IGFBP7: variants seen among roughly 807,000 people sequenced by gnomAD.
The protein encoded by IGFBP7 is insulin like growth factor binding protein 7.
A neutral mutation model predicts 29.4 loss-of-function variants in IGFBP7; 31 were observed. The observed-to-expected ratio is 1.05, with a 90% CI of 0.79 to 1.42. IGFBP7 has a LOEUF of 1.42. Among genes scored for constraint, IGFBP7 ranks in the 40% most tolerant of loss-of-function variants. The pLI is 0.00. For synonymous variants in IGFBP7, 172 were observed against 174.9 expected, an observed-to-expected ratio of 0.98 and a Z score of 0.13; for missense variants, 393 against 395.5, an observed-to-expected ratio of 0.99 and a Z score of 0.05.
intron 1 of IGFBP7, among the ~76,000 whole-genome samples, chr4:57,042,964 C>T (rs566301662): frequency 6.6e-6 from 1 of 152,324 alleles, no homozygotes; most frequent in South Asian, 2.1e-4. Context: ...CAAGTAACCC[C>T]CTGGGTGATT....
intron 1 of IGFBP7, among the ~76,000 whole-genome samples, chr4:57,080,859 C>T (rs1054961302): frequency 1.3e-5 from 2 of 152,236 alleles, no homozygotes; most frequent in African/African-American, 4.8e-5. Context: ...TCAGCACCAC[C>T]AATGAAAGTG....
At chr4:57,109,819 A>T in intron 1 of IGFBP7, 58 bp downstream of exon 1, 6 of 1,496,938 alleles carry the variant, frequency 4.0e-6, no homozygotes, top group Non-Finnish European at 5.3e-6. Context: ...GCCCCGTCGG[A>T]TGTGCCCTTC....
At chr4:57,088,561 G>A (rs758855279) in intron 1 of IGFBP7, among the ~76,000 whole-genome samples, 1 of 152,068 alleles carries the variant, frequency 6.6e-6, no homozygotes, top group Non-Finnish European at 1.5e-5. Flanking sequence ...ACATTTGAGG[G>A]CTGTTTCTGA....
At chr4:57,032,900 G>A (rs1171649039) in intron 3 of IGFBP7, among the ~76,000 whole-genome samples, 1 of 152,188 alleles carries the variant, frequency 6.6e-6, no homozygotes, top group African/African-American at 2.4e-5. Flanking sequence ...TTTATTAATC[G>A]ATAATCAGTT....
At chr4:57,055,536 A>T (rs1724638737) in intron 1 of IGFBP7, among the ~76,000 whole-genome samples, 1 of 152,140 alleles carries the variant, frequency 6.6e-6, no homozygotes. Context: ...GCCAGTATTC[A>T]CGGAGAATTG....
intron 1 of IGFBP7, among the ~76,000 whole-genome samples, chr4:57,090,496 C>T (rs1212596670): frequency 6.6e-6 from 1 of 152,142 alleles, no homozygotes; most frequent in Non-Finnish European, 1.5e-5. Context: ...ATTTGTTCCT[C>T]ACAAAGTTCT....
At chr4:57,085,227 A>C (rs1725469357) in intron 1 of IGFBP7, among the ~76,000 whole-genome samples, 1 of 150,614 alleles carries the variant, frequency 6.6e-6, no homozygotes, top group African/African-American at 2.4e-5. Flanking sequence ...CTTGTATTTC[A>C]GTGAAGTTTT....
intron 1 of IGFBP7, among the ~76,000 whole-genome samples, chr4:57,079,563 C>A (rs955345395): frequency 2.0e-5 from 3 of 152,140 alleles, no homozygotes; most frequent in African/African-American, 7.2e-5. Context: ...TGGGATGTAG[C>A]CTTCAGCTAA....
intron 1 of IGFBP7, among the ~76,000 whole-genome samples, chr4:57,058,167 A>G (rs964172530): frequency 4.6e-5 from 7 of 152,236 alleles, no homozygotes; most frequent in African/African-American, 1.4e-4. Flanking sequence ...TAAATATTTC[A>G]TAAGGTTAGC....
intron 1 of IGFBP7, among the ~76,000 whole-genome samples, chr4:57,050,656 T>G (rs1247750351): frequency 6.6e-6 from 1 of 152,044 alleles, no homozygotes; most frequent in African/African-American, 2.4e-5. Flanking sequence ...TGGGTCCTTC[T>G]GCCTCAGCCT....
intron 1 of IGFBP7, among the ~76,000 whole-genome samples, chr4:57,083,666 C>T (rs142199403): frequency 0.012 from 1,817 of 152,192 alleles, 38 homozygotes; most frequent in African/African-American, 0.042. Context: ...CATTGCTGTG[C>T]CCTCAGCAGC....
At chr4:57,100,173 G>C (rs4515224) in intron 1 of IGFBP7, among the ~76,000 whole-genome samples, 147,174 of 151,216 alleles carry the variant, frequency 0.97, 71,761 homozygotes, top group East Asian at 1. Flanking sequence ...GTGCTAGAGC[G>C]ACCCTCTCAC....
intron 1 of IGFBP7, among the ~76,000 whole-genome samples, chr4:57,052,936 A>T (rs958030517): frequency 2.0e-5 from 3 of 152,228 alleles, no homozygotes; most frequent in Non-Finnish European, 4.4e-5. Flanking sequence ...AATTGACCAC[A>T]GAACATGCAC....
At chr4:57,107,919 G>C (rs182718751) in intron 1 of IGFBP7, among the ~76,000 whole-genome samples, 1 of 152,296 alleles carries the variant, frequency 6.6e-6, no homozygotes, top group East Asian at 1.9e-4. Flanking sequence ...GGAATATTAA[G>C]TATAAACTAG....
At chr4:57,038,965 C>G (rs924480351) in intron 2 of IGFBP7, among the ~76,000 whole-genome samples, 9 of 148,578 alleles carry the variant, frequency 6.1e-5, no homozygotes, top group Non-Finnish European at 1.5e-5. Flanking sequence ...ACTTGAGAGA[C>G]TGAGGCAGAA....
At position 57,087,031 on chromosome 4, in the gene IGFBP7, A is replaced by T. The variant is rs925074995; in HGVS notation, c.475+22846T>A. ...CCACAGGCGTGAGCCACTGCTCCTGATCTAGTGGCTCAGTTATTATGAGGA... is the reference window on the plus strand; with the variant it reads ...CCACAGGCGTGAGCCACTGCTCCTGTTCTAGTGGCTCAGTTATTATGAGGA... On this transcript the variant is annotated intron_variant, in intron 1 of 4. Coordinates refer to ENST00000295666, the MANE Select transcript of IGFBP7 (RefSeq NM_001553.3). 7.2e-5 allele frequency among the ~76,000 whole-genome samples: 11 copies of T among 151,898 alleles called. No homozygotes were observed. In the East Asian group the frequency reaches 1.7e-3, roughly 24 times the overall value.
rs760683411 is a variant in IGFBP7, at chr4:57,040,899, C to T, written c.510G>A (p.Trp170Ter). The change falls in exon 2 of 5, where the codon TGG (tryptophan) becomes TGA (stop). Residue 170 changes from tryptophan (W) to a stop codon, truncating the protein, a stop_gained. Coordinates refer to ENST00000295666, the MANE Select transcript of IGFBP7 (RefSeq NM_001553.3). LOFTEE classifies it high-confidence loss of function. ...AGTACACCTGGGCACCAGTGACATT[C>T]CAGATGTCCTTGGGGGGCGTCACTA... ...PSIVTPPKDI[W>*]NVTGAQVYLS... 6.2e-7 allele frequency: 1 copy of T among 1,614,134 alleles called. No homozygotes were observed. Among genetic ancestry groups the T allele is most frequent in the East Asian group, 2.2e-5 (1 of 44,884 alleles).
intron 1 of IGFBP7, among the ~76,000 whole-genome samples, chr4:57,103,660 CTTTT>C (rs59173874): frequency 1.2e-5 from 1 of 86,480 alleles, no homozygotes; most frequent in Non-Finnish European, 2.1e-5. Flanking sequence ...TTTTTCTTTT[CTTTT>C]TTTTTTTTTT....
chr4:57,094,033 A>G (rs1320693558), intron 1 of IGFBP7, among the ~76,000 whole-genome samples: 1 of 152,072 alleles, frequency 6.6e-6, no homozygotes, highest in Admixed American at 6.6e-5. Context: ...GTTCCTGTGC[A>G]TTTTATTGGC....
Sources: gnomAD v4.1 joint callset for allele counts (sites outside exome capture counted in the v4.1 genomes callset) on GRCh38, gnomAD v4.1.1 for gene constraint, MANE v1.5 for transcripts, NCBI Gene and HGNC (gene_info 2026-07-23, HGNC 2026-07-21) for gene names.